Variants in ITPR1 observed in about 807,000 individuals in gnomAD.
The protein encoded by ITPR1 is inositol 1,4,5-trisphosphate-gated calcium channel ITPR1.
In ITPR1, 96 loss-of-function variants were observed where a neutral mutation model predicts 318.4. The ratio of observed to expected loss-of-function variants is 0.30; its 90% CI spans 0.26 to 0.36. ITPR1 has a LOEUF of 0.36. Among genes scored for constraint, ITPR1 ranks in the 10% least tolerant of loss-of-function variants. ITPR1 has a pLI of 1.00. For synonymous variants in ITPR1, 1,312 were observed against 1,289.9 expected, an observed-to-expected ratio of 1.02 and a Z score of -0.37; for missense variants, 2,440 against 3,460.2, an observed-to-expected ratio of 0.71 and a Z score of 7.40.
chr3:4,800,591 C>T lies in ITPR1; in HGVS notation c.7098C>T (p.Gly2366=), dbSNP rs41290672. ...VGLQPTLFLL[G]AFNVCNKIIF... ...TACAACCCACGTTGTTTCTTCTGGG[C>T]GCTTTCAATGTAAGTGTGAATACCT... The change falls in exon 54 of 62, where the codon GGC becomes GGT. Residue 2366 remains glycine (G), a synonymous_variant. Coordinates refer to ENST00000649015, the MANE Select transcript of ITPR1 (RefSeq NM_001378452.1). The T allele has an allele frequency of 6.1e-4, 991 of 1,613,926 alleles. 1 individual carries two copies. The highest frequency in any genetic ancestry group is 8.0e-4 in the South Asian group (73 of 91,074).
intron 31 of ITPR1, among the ~76,000 whole-genome samples, chr3:4,690,507 G>GT (rs911934221): frequency 2.2e-4 from 34 of 152,302 alleles, no homozygotes; most frequent in Middle Eastern, 3.4e-3. Context: ...AATGCAACTT[G>GT]TTAACATCTT....
At chr3:4,837,897 T>C (rs965882287) in intron 61 of ITPR1, among the ~76,000 whole-genome samples, 17 of 152,178 alleles carry the variant, frequency 1.1e-4, no homozygotes, top group African/African-American at 4.1e-4. Flanking sequence ...CTGAAAGCTC[T>C]TTAATCAACT....
chr3:4,847,379 CAA>C lies in ITPR1; in HGVS notation c.*1155_*1156del, dbSNP rs1278731283. The C allele has an allele frequency of 1.0e-5, 1 of 97,528 alleles. No individual in the cohort carries two copies. 6.0% of individuals were successfully genotyped at this position (97,528 alleles called of 1,614,324 possible). ...AGTTTTGTACATGGATCTCATTTTACAAGAGAATCTCTCTGCAAAAAAAAAAA... is the reference window on the plus strand; with the variant it reads ...AGTTTTGTACATGGATCTCATTTTACGAGAATCTCTCTGCAAAAAAAAAAA... On this transcript the variant is annotated 3_prime_UTR_variant, in exon 62 of 62. Transcript: ENST00000649015.
chr3:4,593,514 T>C (rs2125070371), intron 4 of ITPR1, among the ~76,000 whole-genome samples: 1 of 152,316 alleles, frequency 6.6e-6, no homozygotes, highest in East Asian at 1.9e-4. Flanking sequence ...AATTACAACG[T>C]GAACACAAGA....
chr3:4,580,018 G>A (rs944278482), intron 4 of ITPR1, among the ~76,000 whole-genome samples: 1 of 152,150 alleles, frequency 6.6e-6, no homozygotes, highest in Admixed American at 6.5e-5. Flanking sequence ...AGACCATCCT[G>A]GCTAACACGG....
intron 2 of ITPR1, among the ~76,000 whole-genome samples, chr3:4,503,878 C>G (rs1042873199): frequency 2.6e-5 from 4 of 152,092 alleles, no homozygotes; most frequent in Non-Finnish European, 4.4e-5. Flanking sequence ...TCTCTTCAGG[C>G]TGGGACTGAC....
At chr3:4,508,083 A>T (rs1284309531) in intron 2 of ITPR1, among the ~76,000 whole-genome samples, 1 of 152,184 alleles carries the variant, frequency 6.6e-6, no homozygotes, top group African/African-American at 2.4e-5. Flanking sequence ...GAGGGGTTGC[A>T]GGCAGGCAGG....
In ITPR1 at chr3:4,836,800, G is replaced by A. The variant is rs756769249; in HGVS notation, c.8055G>A (p.Arg2685=). The change falls in exon 61 of 62, where the codon AGG becomes AGA. Residue 2685 remains arginine (R), a synonymous_variant. Coordinates refer to ENST00000649015, the MANE Select transcript of ITPR1 (RefSeq NM_001378452.1). ...AAAGAAACCTTGACTGGTTCCCCAG[G>A]ATGAGAGCCATGTCATTGGTCAGCA... ...IKERNLDWFP[R]MRAMSLVSSD... 6.9e-7 allele frequency: 1 copy of A among 1,446,284 alleles called. No homozygotes were observed. Among genetic ancestry groups the A allele is most frequent in the Non-Finnish European group, 9.2e-7 (1 of 1,081,722 alleles). The allele number at this position is 1,446,284 out of a possible 1,614,324, so 89.6% of individuals were successfully genotyped here.
intron 26 of ITPR1, among the ~76,000 whole-genome samples, chr3:4,682,187 G>A (rs2094315373): frequency 1.3e-5 from 2 of 152,332 alleles, no homozygotes; most frequent in Admixed American, 1.3e-4. Context: ...TCATACTGTA[G>A]TGAGGTGGTA....
chr3:4,716,119 A>C (rs534074606), intron 39 of ITPR1, among the ~76,000 whole-genome samples: 7 of 152,310 alleles, frequency 4.6e-5, no homozygotes, highest in Admixed American at 1.3e-4. Flanking sequence ...AAGTTAATAA[A>C]CTTTAAAATT....
intron 4 of ITPR1, among the ~76,000 whole-genome samples, chr3:4,562,157 G>C (rs2086743677): frequency 6.6e-6 from 1 of 151,972 alleles, no homozygotes; most frequent in Admixed American, 6.6e-5. Flanking sequence ...TTACAGATTT[G>C]CGTTGGGCTG....
At chr3:4,718,273 A>G (rs1257167824) in intron 40 of ITPR1, among the ~76,000 whole-genome samples, 6 of 152,232 alleles carry the variant, frequency 3.9e-5, no homozygotes, top group African/African-American at 1.4e-4. Flanking sequence ...AGCAAACTGG[A>G]CAAAAACTTA....
intron 53 of ITPR1, among the ~76,000 whole-genome samples, chr3:4,796,686 C>T (rs1394337144): frequency 6.6e-6 from 1 of 152,206 alleles, no homozygotes; most frequent in African/African-American, 2.4e-5. Context: ...AACAGCCCCC[C>T]ACCCTTCATT....
chr3:4,773,590 G>A (rs1304224799), intron 46 of ITPR1, among the ~76,000 whole-genome samples: 3 of 152,190 alleles, frequency 2.0e-5, no homozygotes. Flanking sequence ...TTGACAGACA[G>A]ATGGGCCAGG....
At chr3:4,700,215 C>G (rs1388788170) in intron 35 of ITPR1, among the ~76,000 whole-genome samples, 1 of 152,198 alleles carries the variant, frequency 6.6e-6, no homozygotes, top group Non-Finnish European at 1.5e-5. Context: ...CTTCCCTGCC[C>G]TCCAATCCTA....
At chr3:4,782,306 T>G in intron 49 of ITPR1, 1 of 204,018 alleles carries the variant, frequency 4.9e-6, no homozygotes, top group Non-Finnish European at 9.8e-6. Flanking sequence ...CCTACATTCA[T>G]ATCATATTTA....
At chr3:4,601,175 C>CTTTTTTTTTTTTTTTTTTTT (rs68165287) in intron 4 of ITPR1, among the ~76,000 whole-genome samples, 1 of 119,752 alleles carries the variant, frequency 8.4e-6, no homozygotes, top group Non-Finnish European at 1.7e-5. Context: ...GAAAAATATT[C>CTTTTTTTTTTTTTTTTTTTT]TTTTTTTTTT....
At chr3:4,547,216 C>T (rs186059862) in intron 4 of ITPR1, among the ~76,000 whole-genome samples, 387 of 152,254 alleles carry the variant, frequency 2.5e-3, no homozygotes, top group Non-Finnish European at 4.4e-3. Flanking sequence ...AGGAAAGATT[C>T]GGCCTGACAT....
At chr3:4,554,036 C>T (rs2085866073) in intron 4 of ITPR1, among the ~76,000 whole-genome samples, 2 of 152,212 alleles carry the variant, frequency 1.3e-5, no homozygotes, top group East Asian at 1.9e-4. Context: ...AGCCACCGCG[C>T]CCAGCCTTAC....
Sources: gnomAD v4.1 joint callset for allele counts (sites outside exome capture counted in the v4.1 genomes callset) on GRCh38, gnomAD v4.1.1 for gene constraint, MANE v1.5 for transcripts, NCBI Gene and HGNC (gene_info 2026-07-23, HGNC 2026-07-21) for gene names.